NPSR1: variants seen among roughly 807,000 people sequenced by gnomAD.
NPSR1 encodes the protein neuropeptide S receptor 1, also known as neuropeptide S receptor.
NPSR1 carries 48 observed loss-of-function variants against 46.9 expected under a neutral mutation model. The ratio of observed to expected loss-of-function variants is 1.02; its 90% CI spans 0.81 to 1.30. NPSR1 has a LOEUF of 1.30. NPSR1 is among the 50% of genes most tolerant of loss of function. The pLI is 0.00. For missense variants in NPSR1, 450 were observed against 449.5 expected (o/e 1.00, Z -0.01); for synonymous variants, 176 against 168.1 (o/e 1.05, Z -0.36).
At chr7:34,844,260 T>C (rs1414183561) in intron 6 of NPSR1, among the ~76,000 whole-genome samples, 1 of 152,214 alleles carries the variant, frequency 6.6e-6, no homozygotes, top group Non-Finnish European at 1.5e-5. Flanking sequence ...TCATTGAATA[T>C]GTGTTTAGGC....
At chr7:34,746,928 C>G (rs1197098955) in intron 2 of NPSR1, among the ~76,000 whole-genome samples, 1 of 151,968 alleles carries the variant, frequency 6.6e-6, no homozygotes, top group Non-Finnish European at 1.5e-5. Flanking sequence ...AGATCGAGAC[C>G]ATTCTGGCCA....
chr7:34,842,404 G>A (rs2128762917), intron 6 of NPSR1, among the ~76,000 whole-genome samples: 1 of 152,296 alleles, frequency 6.6e-6, no homozygotes, highest in African/African-American at 2.4e-5. Flanking sequence ...AGGCTGCCCT[G>A]TGCATTGAAG....
intron 3 of NPSR1, among the ~76,000 whole-genome samples, chr7:34,805,073 T>C (rs973525243): frequency 2.0e-5 from 3 of 151,916 alleles, no homozygotes; most frequent in African/African-American, 7.2e-5. Flanking sequence ...TGTTCATGAA[T>C]AGGAAGACTT....
At chr7:34,866,655 T>C (rs1791322715) in intron 8 of NPSR1, among the ~76,000 whole-genome samples, 1 of 151,638 alleles carries the variant, frequency 6.6e-6, no homozygotes, top group African/African-American at 2.4e-5. Flanking sequence ...GCTTCTCCTC[T>C]TCCTACCTAA....
chr7:34,765,963 A>G (rs543110949), intron 2 of NPSR1, among the ~76,000 whole-genome samples: 3 of 152,332 alleles, frequency 2.0e-5, no homozygotes, highest in Non-Finnish European at 2.9e-5. Flanking sequence ...AATGGGATCA[A>G]TCGTACCCCA....
chr7:34,751,126 G>A lies in NPSR1; in HGVS notation c.281-27336G>A. 1.7e-5 allele frequency: 15 copies of A among 873,132 alleles called. No individual in the cohort carries two copies. The South Asian group carries it at 2.0e-4, about 11-fold the overall frequency. 54.1% of individuals were successfully genotyped at this position (873,132 alleles called of 1,614,324 possible). A position where few individuals can be genotyped will look rare whatever the true frequency, so the allele number is the denominator to read the frequency against. ...AGGTGGAGTCATCACCAGCCCCACT[G>A]TTTTCCACACTGGCTGAGCAGGGTC... On this transcript the variant is annotated intron_variant, in intron 2 of 8. Coordinates refer to ENST00000360581, the MANE Select transcript of NPSR1 (RefSeq NM_207172.2).
chr7:34,738,586 A>T (rs1323874847), intron 2 of NPSR1, among the ~76,000 whole-genome samples: 1 of 151,934 alleles, frequency 6.6e-6, no homozygotes, highest in Admixed American at 6.6e-5. Context: ...CTTGTAATTT[A>T]TATCACAAAT....
intron 1 of NPSR1, among the ~76,000 whole-genome samples, chr7:34,667,481 C>G (rs1791807850): frequency 6.6e-6 from 1 of 152,170 alleles, no homozygotes; most frequent in Admixed American, 6.5e-5. Context: ...CTCCATTCAT[C>G]CAGCTTCTTC....
chr7:34,722,169 T>C (rs1783892385), intron 2 of NPSR1, among the ~76,000 whole-genome samples: 1 of 152,156 alleles, frequency 6.6e-6, no homozygotes, highest in African/African-American at 2.4e-5. Flanking sequence ...AGGGTGTAAT[T>C]TGCAATATTC....
intron 2 of NPSR1, among the ~76,000 whole-genome samples, chr7:34,738,233 A>C (rs912681192): frequency 6.6e-6 from 1 of 152,152 alleles, no homozygotes; most frequent in Non-Finnish European, 1.5e-5. Context: ...ACCTTCTTTC[A>C]CTATTCTCTA....
At chr7:34,685,360 G>T (rs35748516) in intron 2 of NPSR1, among the ~76,000 whole-genome samples, 2 of 152,122 alleles carry the variant, frequency 1.3e-5, no homozygotes, top group Non-Finnish European at 2.9e-5. Flanking sequence ...AACACAACCA[G>T]GGAAAGAGTC....
At position 34,813,956 on chromosome 7, in the gene NPSR1, T is replaced by C. The variant is rs1584080703; in HGVS notation, c.478+2093T>C. On this transcript the variant is annotated intron_variant, in intron 4 of 8. Transcript: ENST00000360581. The stretch of plus-strand genomic sequence containing the variant: ...GGGGATCTGTTCCAAGATGGCCAAA[T>C]AGGAACAGCTCTGGTCTGCAGCTCC... Among the ~76,000 whole-genome samples the C allele has an allele frequency of 2.0e-5, 3 of 152,338 alleles. No homozygotes were observed. The East Asian group carries it at 5.8e-4, about 29-fold the overall frequency.
chr7:34,817,401 G>T (rs903242900), intron 4 of NPSR1, among the ~76,000 whole-genome samples: 2 of 9,028 alleles, frequency 2.2e-4, no homozygotes, highest in African/African-American at 9.7e-4. Flanking sequence ...CCATTAACAG[G>T]CTCCAAAATT....
intron 8 of NPSR1, among the ~76,000 whole-genome samples, chr7:34,867,054 C>G (rs985189397): frequency 4.0e-5 from 6 of 151,650 alleles, no homozygotes; most frequent in Non-Finnish European, 7.3e-5. Context: ...CTGAATAAGA[C>G]CCTTCCAAGC....
chr7:34,792,703 A>ATG (rs1207987148), intron 3 of NPSR1, among the ~76,000 whole-genome samples: 1,338 of 87,634 alleles, frequency 0.015, 19 homozygotes, highest in Middle Eastern at 0.047. Context: ...ATATATACGT[A>ATG]TATATATATA....
At chr7:34,745,358 C>T (rs1785150167) in intron 2 of NPSR1, among the ~76,000 whole-genome samples, 1 of 152,016 alleles carries the variant, frequency 6.6e-6, no homozygotes, top group Non-Finnish European at 1.5e-5. Flanking sequence ...TTTATTGGTT[C>T]CAACCTTATA....
intron 2 of NPSR1, among the ~76,000 whole-genome samples, chr7:34,759,588 G>A (rs573108958): frequency 5.3e-5 from 8 of 152,164 alleles, no homozygotes; most frequent in African/African-American, 1.9e-4. Context: ...CCCCAGGCCA[G>A]GAATCAGCCA....
At position 34,834,395 on chromosome 7, in the gene NPSR1, G is replaced by A; in HGVS notation, c.692G>A (p.Gly231Asp). 2 of 1,613,172 alleles carry A rather than the reference G, an allele frequency of 1.2e-6. No individual in the cohort carries two copies. Among genetic ancestry groups the A allele is most frequent in the Non-Finnish European group, 1.7e-6 (2 of 1,179,142 alleles). ...IPLTIISIMY[G>D]IVIRTIWIKS... is the part of the protein sequence containing the mutation. The stretch of plus-strand genomic sequence containing the variant: ...GGTTCTTTCTGCAGCATCATGTATG[G>A]CATTGTGATCCGAACTATTTGGATT... The change falls in exon 6 of 9, where the codon GGC becomes GAC. Residue 231 changes from glycine to aspartate, a missense_variant. Transcript: ENST00000360581.
At chr7:34,704,368 G>C (rs2128697952) in intron 2 of NPSR1, among the ~76,000 whole-genome samples, 1 of 151,812 alleles carries the variant, frequency 6.6e-6, no homozygotes, top group Non-Finnish European at 1.5e-5. Flanking sequence ...AAAACTAATA[G>C]TTTTTGCTGT....
Sources: gnomAD v4.1 joint callset for allele counts (sites outside exome capture counted in the v4.1 genomes callset) on GRCh38, gnomAD v4.1.1 for gene constraint, MANE v1.5 for transcripts, NCBI Gene and HGNC (gene_info 2026-07-23, HGNC 2026-07-21) for gene names.